The following NXPE2 variants were observed in gnomAD, a reference collection of about 807,000 sequenced individuals.
NXPE2 encodes the protein neurexophilin and PC-esterase domain family member 2.
NXPE2 carries 34 observed loss-of-function variants against 34.4 expected under a neutral mutation model. The observed-to-expected ratio is 0.99, with a 90% CI of 0.75 to 1.31. The LOEUF (loss-of-function observed/expected upper bound fraction) is 1.31, where lower values mean the gene tolerates loss of function less well. Ranked by LOEUF, NXPE2 falls within the 40% of genes most tolerant of loss-of-function variation. The probability of loss-of-function intolerance (pLI) is 0.00; values close to 1 mark genes in which losing one functional copy is unlikely to be tolerated. For synonymous variants in NXPE2, 235 were observed against 231.3 expected (o/e 1.02, Z -0.15); for missense variants, 649 against 672.5 (o/e 0.97, Z 0.39).
chr11:114,698,714 C>A lies in NXPE2; in HGVS notation c.802C>A (p.His268Asn), dbSNP rs927561088. The stretch of plus-strand genomic sequence containing the variant: ...ACATATGCCCTGTGAGGCCTTGACC[C>A]ACATGACCACTAGGACAAGAAATAT... ...PQHMPCEALTHMTTRTRNISY... is the reference protein window; with the variant it reads ...PQHMPCEALTNMTTRTRNISY... The change falls in exon 3 of 6, where the codon CAC becomes AAC. Residue 268 changes from histidine to asparagine, a missense_variant. Coordinates refer to ENST00000389586, the MANE Select transcript of NXPE2 (RefSeq NM_182495.6). 3.1e-6 allele frequency: 5 copies of A among 1,612,894 alleles called. No individual in the cohort carries two copies. Among genetic ancestry groups the A allele is most frequent in the Non-Finnish European group, 4.2e-6 (5 of 1,179,456 alleles).
chr11:114,580,989 T>C, the NXPE2 span, among the ~76,000 whole-genome samples: 1 of 152,182 alleles, frequency 6.6e-6, no homozygotes, highest in African/African-American at 2.4e-5. Context: ...AGTAGTTTAA[T>C]ATTTTAATAA....
chr11:114,639,787 T>C, the NXPE2 span, among the ~76,000 whole-genome samples: 11 of 125,152 alleles, frequency 8.8e-5, no homozygotes, highest in East Asian at 2.0e-3. Flanking sequence ...TAAAATATAA[T>C]ATATATTATA....
At chr11:114,579,853 G>A in the NXPE2 span, among the ~76,000 whole-genome samples, 1 of 152,036 alleles carries the variant, frequency 6.6e-6, no homozygotes, top group Admixed American at 6.6e-5. Context: ...CATTATCTTT[G>A]GTTCCATCAA....
the NXPE2 span, among the ~76,000 whole-genome samples, chr11:114,641,270 C>G: frequency 6.6e-6 from 1 of 151,812 alleles, no homozygotes; most frequent in Non-Finnish European, 1.5e-5. Context: ...ATATCACTAT[C>G]TATATTTTAA....
chr11:114,740,375 C>T, the NXPE2 span, among the ~76,000 whole-genome samples: 1 of 150,418 alleles, frequency 6.6e-6, no homozygotes, highest in African/African-American at 2.5e-5. Flanking sequence ...GTTTCTGTAT[C>T]TTGGTTATTA....
the NXPE2 span, among the ~76,000 whole-genome samples, chr11:114,524,587 A>G: frequency 1.3e-5 from 2 of 152,132 alleles, no homozygotes; most frequent in South Asian, 4.2e-4. Flanking sequence ...GGTTTCTATG[A>G]GGCTTGATAG....
At chr11:114,508,510 A>G in the NXPE2 span, among the ~76,000 whole-genome samples, 6 of 152,254 alleles carry the variant, frequency 3.9e-5, no homozygotes, top group South Asian at 2.1e-4. Flanking sequence ...GGGCTACAGT[A>G]ACCAAAACAG....
the NXPE2 span, among the ~76,000 whole-genome samples, chr11:114,485,339 G>C: frequency 4.0e-5 from 6 of 149,444 alleles, no homozygotes; most frequent in African/African-American, 7.4e-5. Flanking sequence ...TTCCTGAGTA[G>C]CTGGGATTGC....
chr11:114,767,099 T>C, the NXPE2 span, among the ~76,000 whole-genome samples: 5 of 152,188 alleles, frequency 3.3e-5, no homozygotes, highest in South Asian at 1.0e-3. Context: ...TCTACATCTA[T>C]ATTATGACAC....
the NXPE2 span, among the ~76,000 whole-genome samples, chr11:114,609,134 G>C: frequency 6.6e-6 from 1 of 151,996 alleles, no homozygotes; most frequent in South Asian, 2.1e-4. Flanking sequence ...TGGATAATAA[G>C]TATTGCCTCG....
At chr11:114,521,645 G>A in the NXPE2 span, 1 of 239,354 alleles carries the variant, frequency 4.2e-6, no homozygotes, top group Non-Finnish European at 8.1e-6. Flanking sequence ...GACAGAGCTA[G>A]GAAATATCTA....
intron 2 of NXPE2, among the ~76,000 whole-genome samples, chr11:114,688,217 G>A (rs959655510): frequency 7.2e-5 from 11 of 151,996 alleles, no homozygotes; most frequent in Admixed American, 7.2e-4. Context: ...GTTGGCTGTG[G>A]GTTTGCCATA....
the NXPE2 span, among the ~76,000 whole-genome samples, chr11:114,755,473 C>G: frequency 6.6e-6 from 1 of 152,140 alleles, no homozygotes; most frequent in Non-Finnish European, 1.5e-5. Flanking sequence ...ATCCATGTAG[C>G]CTGCATATCC....
At chr11:114,587,970 G>A in the NXPE2 span, among the ~76,000 whole-genome samples, 1 of 152,138 alleles carries the variant, frequency 6.6e-6, no homozygotes, top group African/African-American at 2.4e-5. Context: ...ATTTTCTGTA[G>A]ATGGGACAGC....
chr11:114,475,555 T>G, the NXPE2 span, among the ~76,000 whole-genome samples: 6 of 152,128 alleles, frequency 3.9e-5, no homozygotes, highest in African/African-American at 1.4e-4. Context: ...GACTTTTTGC[T>G]GGCATCAGTT....
the NXPE2 span, among the ~76,000 whole-genome samples, chr11:114,617,936 A>G: frequency 4.0e-5 from 6 of 151,746 alleles, no homozygotes; most frequent in African/African-American, 1.2e-4. Context: ...CTGCTGCATA[A>G]TAAGTATTGC....
At chr11:114,685,418 G>A (rs146193977) in intron 2 of NXPE2, among the ~76,000 whole-genome samples, 145 of 152,092 alleles carry the variant, frequency 9.5e-4, no homozygotes, top group African/African-American at 3.3e-3. Context: ...AGCTCTCTGG[G>A]GTCCTTTTTG....
the NXPE2 span, among the ~76,000 whole-genome samples, chr11:114,646,923 G>T: frequency 3.9e-5 from 6 of 152,168 alleles, no homozygotes; most frequent in African/African-American, 1.2e-4. Flanking sequence ...TCACTAGAAA[G>T]TTGCCAAATA....
At chr11:114,773,288 C>CCCCCCCCCCCCCCCCG in the NXPE2 span, among the ~76,000 whole-genome samples, 87 of 95,878 alleles carry the variant, frequency 9.1e-4, no homozygotes, top group Non-Finnish European at 1.5e-3. Flanking sequence ...CACCCCCCCC[C>CCCCCCCCCCCCCCCCG]CACCCCATTC....
Sources: allele counts gnomAD v4.1 joint callset (sites outside exome capture counted in the v4.1 genomes callset), GRCh38; gene constraint gnomAD v4.1.1; transcripts MANE v1.5; gene names NCBI Gene and HGNC (gene_info 2026-07-23, HGNC 2026-07-21).